The following MSRA variants were observed in gnomAD, a reference collection of about 807,000 sequenced individuals.
MSRA encodes mitochondrial peptide methionine sulfoxide reductase.
A neutral mutation model predicts 31.3 loss-of-function variants in MSRA; 54 were observed. The observed-to-expected ratio is 1.73, with a 90% confidence interval of 1.39 to 2.17. MSRA has a LOEUF of 2.17. Among genes scored for constraint, MSRA ranks in the 30% most tolerant of loss-of-function variants. The pLI, the probability that MSRA is intolerant of heterozygous loss-of-function variation, is 0.00. For synonymous variants in MSRA, 169 were observed against 116.5 expected, an observed-to-expected ratio of 1.45 and a Z score of -2.90; for missense variants, 507 against 300.9, an observed-to-expected ratio of 1.69 and a Z score of -5.07.
intron 1 of MSRA, among the ~76,000 whole-genome samples, chr8:10,142,003 G>C (rs1802754186): frequency 6.6e-6 from 1 of 152,194 alleles, no homozygotes; most frequent in African/African-American, 2.4e-5. Flanking sequence ...TTGTTTCCCA[G>C]TCTGGAGTGC....
intron 1 of MSRA, among the ~76,000 whole-genome samples, chr8:10,113,291 TC>T (rs531723215): frequency 0.069 from 8,106 of 117,976 alleles, 1,669 homozygotes; most frequent in African/African-American, 0.24. Context: ...AGACAGGTCT[TC>T]TTTTTTTTTT....
chr8:10,290,912 C>G (rs746649954), intron 3 of MSRA, among the ~76,000 whole-genome samples: 1 of 152,174 alleles, frequency 6.6e-6, no homozygotes, highest in African/African-American at 2.4e-5. Context: ...TGTTTCGCAG[C>G]AGAGTGGGAG....
intron 3 of MSRA, among the ~76,000 whole-genome samples, chr8:10,277,895 A>G (rs912893884): frequency 6.6e-6 from 1 of 152,206 alleles, no homozygotes; most frequent in Non-Finnish European, 1.5e-5. Flanking sequence ...ATTTATCAAT[A>G]AAAACAAATT....
At chr8:10,097,500 G>C (rs961564004) in intron 1 of MSRA, among the ~76,000 whole-genome samples, 3 of 152,076 alleles carry the variant, frequency 2.0e-5, no homozygotes, top group Admixed American at 1.3e-4. Context: ...GAAACAAAAA[G>C]AAAGTTCAGC....
chr8:10,055,378 G>C (rs766427914), intron 1 of MSRA, among the ~76,000 whole-genome samples: 16 of 152,226 alleles, frequency 1.1e-4, no homozygotes, highest in Non-Finnish European at 2.1e-4. Flanking sequence ...ATGGTAAACT[G>C]CTATAAAAGT....
At chr8:10,396,713 C>G (rs758049961) in intron 5 of MSRA, among the ~76,000 whole-genome samples, 3 of 152,204 alleles carry the variant, frequency 2.0e-5, no homozygotes, top group Non-Finnish European at 4.4e-5. Flanking sequence ...GTTTCCACTT[C>G]CTTCTCTTCT....
At chr8:10,116,837 G>C (rs1275443969) in intron 1 of MSRA, among the ~76,000 whole-genome samples, 2 of 152,146 alleles carry the variant, frequency 1.3e-5, no homozygotes, top group Non-Finnish European at 2.9e-5. Context: ...CGTGGTGGCA[G>C]ATGCCTGTAA....
chr8:10,068,902 T>C (rs1307845430), intron 1 of MSRA, among the ~76,000 whole-genome samples: 1 of 152,250 alleles, frequency 6.6e-6, no homozygotes, highest in African/African-American at 2.4e-5. Context: ...AAATATTGAA[T>C]CTACCTATTT....
At chr8:10,125,984 A>C (rs893750505) in intron 1 of MSRA, among the ~76,000 whole-genome samples, 1 of 152,250 alleles carries the variant, frequency 6.6e-6, no homozygotes, top group African/African-American at 2.4e-5. Flanking sequence ...ACCGAATGTC[A>C]GAGTCTCCTA....
chr8:10,138,167 G>A (rs376314693), intron 1 of MSRA, among the ~76,000 whole-genome samples: 13 of 152,226 alleles, frequency 8.5e-5, no homozygotes, highest in African/African-American at 2.9e-4. Context: ...GTTGAGAGAG[G>A]CGTGACTGGG....
intron 5 of MSRA, among the ~76,000 whole-genome samples, chr8:10,325,534 C>A (rs1802313020): frequency 6.6e-6 from 1 of 152,068 alleles, no homozygotes; most frequent in South Asian, 2.1e-4. Flanking sequence ...AAGTTAAATG[C>A]ATTCATGTAT....
intron 5 of MSRA, among the ~76,000 whole-genome samples, chr8:10,357,650 A>G (rs1267407817): frequency 6.6e-6 from 1 of 152,100 alleles, no homozygotes; most frequent in African/African-American, 2.4e-5. Context: ...GGATTCCACC[A>G]TTTCTCCAAG....
intron 1 of MSRA, among the ~76,000 whole-genome samples, chr8:10,121,522 C>G (rs527618377): frequency 2.6e-5 from 4 of 152,140 alleles, no homozygotes; most frequent in Non-Finnish European, 2.9e-5. Flanking sequence ...TAAGGGGAAA[C>G]GAGAGTTGAG....
chr8:10,227,937 G>T (rs989330472), intron 2 of MSRA, among the ~76,000 whole-genome samples: 13 of 152,188 alleles, frequency 8.5e-5, no homozygotes, highest in Admixed American at 6.5e-4. Flanking sequence ...AAGATAAATT[G>T]AAATGTTTAC....
chr8:10,244,171 A>C (rs1004460212), intron 2 of MSRA, among the ~76,000 whole-genome samples: 3 of 152,320 alleles, frequency 2.0e-5, no homozygotes, highest in African/African-American at 4.8e-5. Context: ...TCTCAGTTAT[A>C]CGTAACTTCA....
At chr8:10,396,097 G>C (rs1807081389) in intron 5 of MSRA, among the ~76,000 whole-genome samples, 2 of 152,064 alleles carry the variant, frequency 1.3e-5, no homozygotes, top group South Asian at 4.2e-4. Context: ...CATCTCTCAG[G>C]CCTGATCCCC....
intron 4 of MSRA, 51 bp downstream of exon 4, chr8:10,301,689 G>C (rs1563327168): frequency 1.4e-6 from 2 of 1,428,372 alleles, no homozygotes; most frequent in Non-Finnish European, 2.0e-6. Context: ...TTACAGCTGG[G>C]ATAATTAGTG....
At chr8:10,190,859 C>A (rs934379816) in intron 1 of MSRA, among the ~76,000 whole-genome samples, 4 of 152,114 alleles carry the variant, frequency 2.6e-5, no homozygotes, top group Non-Finnish European at 5.9e-5. Context: ...CCCGTCCTTA[C>A]GTGTTTTTGC....
At chr8:10,313,651 G>A (rs1426697062) in intron 4 of MSRA, among the ~76,000 whole-genome samples, 6 of 152,118 alleles carry the variant, frequency 3.9e-5, no homozygotes, top group Non-Finnish European at 8.8e-5. Flanking sequence ...TGTTGTTGTC[G>A]TCAGTGTTGT....
Sources: allele counts gnomAD v4.1 joint callset (sites outside exome capture counted in the v4.1 genomes callset), GRCh38; gene constraint gnomAD v4.1.1; transcripts MANE v1.5; gene names NCBI Gene and HGNC (gene_info 2026-07-23, HGNC 2026-07-21).